CDKAL1: variants seen among roughly 807,000 people sequenced by gnomAD.
CDKAL1 encodes the protein CDKAL1 threonylcarbamoyladenosine tRNA methylthiotransferase.
CDKAL1 carries 32 observed loss-of-function variants against 68.2 expected under a neutral mutation model. The observed-to-expected ratio is 0.47, with a 90% CI of 0.35 to 0.63. The LOEUF (loss-of-function observed/expected upper bound fraction) is 0.63. CDKAL1 is among the 30% of genes least tolerant of loss of function. The pLI, the probability that CDKAL1 is intolerant of heterozygous loss-of-function variation, is 0.00. For missense variants in CDKAL1, 606 were observed against 696.7 expected, an observed-to-expected ratio of 0.87 and a Z score of 1.47; for synonymous variants, 234 against 244.3, an observed-to-expected ratio of 0.96 and a Z score of 0.39.
chr6:21,232,003 GTTTTTGTTT>G lies in CDKAL1; in HGVS notation c.*970_*978del, dbSNP rs931743269. 4 of 76,088 alleles carry G rather than the reference GTTTTTGTTT, an allele frequency of 5.3e-5. 1 individual carries two copies. The highest frequency in any genetic ancestry group is 1.1e-4 in the African/African-American group (3 of 28,240). The allele number at this position is 76,088 out of a possible 1,614,324, so 4.7% of individuals were successfully genotyped here. A position where few individuals can be genotyped will look rare whatever the true frequency, so the allele number is the denominator to read the frequency against. ...TTTGATCCATTGGGGTTTTTTTTTT[GTTTTTGTTT>G]TTTTTTTTTTTTGAGTCAAGGTCTC... On this transcript the variant is annotated 3_prime_UTR_variant, in exon 16 of 16. Coordinates refer to ENST00000274695, the MANE Select transcript of CDKAL1 (RefSeq NM_017774.3).
intron 13 of CDKAL1, among the ~76,000 whole-genome samples, chr6:21,195,781 A>T (rs1187324861): frequency 6.6e-6 from 1 of 152,018 alleles, no homozygotes; most frequent in African/African-American, 2.4e-5. Flanking sequence ...AAGTGCTGGG[A>T]TTACAGGCAT....
At chr6:20,756,921 TTCCC>T (rs1225510430) in intron 6 of CDKAL1, among the ~76,000 whole-genome samples, 2,315 of 108,290 alleles carry the variant, frequency 0.021, 168 homozygotes, top group East Asian at 0.095. Flanking sequence ...CCTTCCTTCC[TTCCC>T]TCCTTCCCTT....
intron 9 of CDKAL1, among the ~76,000 whole-genome samples, chr6:20,935,154 A>G (rs1763647181): frequency 6.6e-6 from 1 of 152,142 alleles, no homozygotes; most frequent in Non-Finnish European, 1.5e-5. Flanking sequence ...TTGGCCTCCC[A>G]AAGTGTTGGG....
intron 11 of CDKAL1, among the ~76,000 whole-genome samples, chr6:21,014,936 A>G (rs1362774987): frequency 6.6e-6 from 1 of 152,222 alleles, no homozygotes; most frequent in Non-Finnish European, 1.5e-5. Context: ...TCTAATATCA[A>G]ACAGGAATTG....
At chr6:21,004,167 C>G (rs1389386239) in intron 11 of CDKAL1, among the ~76,000 whole-genome samples, 1 of 152,168 alleles carries the variant, frequency 6.6e-6, no homozygotes, top group African/African-American at 2.4e-5. Context: ...AAGCTGCAAG[C>G]TTTCAAACTG....
intron 9 of CDKAL1, among the ~76,000 whole-genome samples, chr6:20,907,980 A>T (rs1762306371): frequency 6.6e-6 from 1 of 152,140 alleles, no homozygotes; most frequent in Non-Finnish European, 1.5e-5. Context: ...CTCTGTCACC[A>T]CTTCTCCCCA....
At chr6:20,696,440 A>G (rs572983651) in intron 5 of CDKAL1, among the ~76,000 whole-genome samples, 1 of 152,344 alleles carries the variant, frequency 6.6e-6, no homozygotes, top group Non-Finnish European at 1.5e-5. Context: ...TCCATTCTTT[A>G]GAAAAAAATT....
At chr6:21,176,091 A>T (rs1287760359) in intron 13 of CDKAL1, among the ~76,000 whole-genome samples, 1 of 152,236 alleles carries the variant, frequency 6.6e-6, no homozygotes, top group African/African-American at 2.4e-5. Flanking sequence ...TGAGTATTGA[A>T]CTGGCTAATA....
intron 12 of CDKAL1, among the ~76,000 whole-genome samples, chr6:21,091,492 G>A (rs1773002375): frequency 6.6e-6 from 1 of 152,190 alleles, no homozygotes; most frequent in South Asian, 2.1e-4. Flanking sequence ...TACTTAAGAA[G>A]CAGCAGCTGG....
intron 9 of CDKAL1, among the ~76,000 whole-genome samples, chr6:20,873,528 CAAAG>C (rs1160543981): frequency 7.9e-5 from 12 of 152,090 alleles, no homozygotes; most frequent in Admixed American, 7.2e-4. Context: ...CACAGAATCA[CAAAG>C]AAGTTAAACA....
At chr6:20,736,304 C>A (rs1022308487) in intron 5 of CDKAL1, among the ~76,000 whole-genome samples, 1 of 152,128 alleles carries the variant, frequency 6.6e-6, no homozygotes, top group Non-Finnish European at 1.5e-5. Flanking sequence ...GCAACAGAGA[C>A]CTTATGACCA....
chr6:21,004,117 A>G (rs904694775), intron 11 of CDKAL1, among the ~76,000 whole-genome samples: 1 of 152,230 alleles, frequency 6.6e-6, no homozygotes, highest in Non-Finnish European at 1.5e-5. Flanking sequence ...GACAACCTAT[A>G]GCATTTAAGA....
intron 4 of CDKAL1, among the ~76,000 whole-genome samples, chr6:20,613,791 T>C (rs1766760144): frequency 6.6e-6 from 1 of 152,012 alleles, no homozygotes; most frequent in Non-Finnish European, 1.5e-5. Flanking sequence ...ATGTATCATT[T>C]TGCATATGCA....
At chr6:20,687,571 G>A (rs10440832) in intron 5 of CDKAL1, among the ~76,000 whole-genome samples, 121,176 of 151,920 alleles carry the variant, frequency 0.8, 48,374 homozygotes, top group Middle Eastern at 0.84. Context: ...TTGAGGTGGG[G>A]TCTTACTCTG....
chr6:20,558,826 T>C, intron 4 of CDKAL1: 1 of 343,274 alleles, frequency 2.9e-6, no homozygotes, highest in East Asian at 7.6e-5. Context: ...AATTAGGGCA[T>C]GTTGTTTGCC....
chr6:20,789,113 T>C (rs1452420519), intron 8 of CDKAL1, among the ~76,000 whole-genome samples: 1 of 152,224 alleles, frequency 6.6e-6, no homozygotes, highest in Non-Finnish European at 1.5e-5. Flanking sequence ...GAAAGTTATA[T>C]GAAACAATTA....
chr6:21,109,690 A>T (rs567674177), intron 13 of CDKAL1, among the ~76,000 whole-genome samples: 4 of 152,368 alleles, frequency 2.6e-5, no homozygotes, highest in African/African-American at 9.6e-5. Flanking sequence ...CAGAAGGAGC[A>T]GGCTGATAAG....
intron 8 of CDKAL1, among the ~76,000 whole-genome samples, chr6:20,827,390 A>G (rs1777543272): frequency 6.6e-6 from 1 of 152,188 alleles, no homozygotes; most frequent in African/African-American, 2.4e-5. Context: ...CTTAGCTGCC[A>G]TTGTTTATCT....
chr6:21,101,909 T>A (rs1306145419), intron 12 of CDKAL1, among the ~76,000 whole-genome samples: 1 of 152,158 alleles, frequency 6.6e-6, no homozygotes, highest in East Asian at 1.9e-4. Flanking sequence ...ATCAGATCTG[T>A]CCCACCTTCT....
Sources: allele counts gnomAD v4.1 joint callset (sites outside exome capture counted in the v4.1 genomes callset), GRCh38; gene constraint gnomAD v4.1.1; transcripts MANE v1.5; gene names NCBI Gene and HGNC (gene_info 2026-07-23, HGNC 2026-07-21).